TCF25: variants seen among roughly 807,000 people sequenced by gnomAD.
The protein encoded by TCF25 is ribosome quality control complex subunit TCF25.
TCF25 carries 41 observed loss-of-function variants against 83.1 expected under a neutral mutation model. The observed-to-expected ratio is 0.49, with a 90% CI of 0.38 to 0.64. The LOEUF (loss-of-function observed/expected upper bound fraction) is 0.64. Among genes scored for constraint, TCF25 ranks in the 30% least tolerant of loss-of-function variants. TCF25 has a pLI of 0.00. For synonymous variants in TCF25, 458 were observed against 365.0 expected, an observed-to-expected ratio of 1.25 and a Z score of -2.90; for missense variants, 979 against 914.5, an observed-to-expected ratio of 1.07 and a Z score of -0.91.
chr16:89,887,596 G>C, intron 4 of TCF25, 56 bp from the exon 5 acceptor site: 1 of 1,481,518 alleles, frequency 6.7e-7, no homozygotes, highest in Non-Finnish European at 9.0e-7. Flanking sequence ...TGAAGCTTTT[G>C]GAATCGTCTT....
chr16:89,887,361 G>C (rs1465870469), intron 4 of TCF25, among the ~76,000 whole-genome samples: 2 of 151,560 alleles, frequency 1.3e-5, no homozygotes, highest in Non-Finnish European at 2.9e-5. Context: ...CCCAGGGTGC[G>C]TGCACTGCCC....
chr16:89,911,349 C>T lies in TCF25; in HGVS notation c.*111C>T. 7.2e-7 allele frequency: 1 copy of T among 1,394,598 alleles called. No individual in the cohort carries two copies. Among genetic ancestry groups the T allele is most frequent in the Non-Finnish European group, 9.9e-7 (1 of 1,013,658 alleles). 86.4% of individuals were successfully genotyped at this position (1,394,598 alleles called of 1,614,324 possible). A position where few individuals can be genotyped will look rare whatever the true frequency, so the allele number is the denominator to read the frequency against. ...AAGCTGAGTGTGTCGCTCCCTGGTC[C>T]ACTGTTTCTCCTATAAATGTAAATG... On this transcript the variant is annotated 3_prime_UTR_variant, in exon 18 of 18. Transcript: ENST00000263346.
chr16:89,910,624 T>C lies in TCF25; in HGVS notation c.1833T>C (p.Ala611=), dbSNP rs765782862. 3 of 1,613,718 alleles carry C rather than the reference T, an allele frequency of 1.9e-6. No individual in the cohort carries two copies. Among genetic ancestry groups the C allele is most frequent in the Non-Finnish European group, 1.7e-6 (2 of 1,179,970 alleles). Residue 611 remains alanine (A), a synonymous_variant, in exon 17 of 18, where the codon GCT becomes GCC. Coordinates refer to ENST00000263346, the MANE Select transcript of TCF25 (RefSeq NM_014972.3). The part of the protein sequence containing the change: ...LSPISHGNTI[A]LFFRSLLPNY... ...CTATCAGCCATGGAAACACCATTGC[T>C]CTCTTCTTCCGGTCACTGTTGCCAA...
chr16:89,907,143 C>G, intron 15 of TCF25, 100 bp from the exon 16 acceptor site: 3 of 1,147,734 alleles, frequency 2.6e-6, no homozygotes, highest in Non-Finnish European at 3.9e-6. Flanking sequence ...TCAGCAGATG[C>G]ATCCAGTCCA....
chr16:89,905,737 G>C (rs144966748), intron 14 of TCF25, among the ~76,000 whole-genome samples: 8 of 152,190 alleles, frequency 5.3e-5, no homozygotes, highest in Non-Finnish European at 8.8e-5. Context: ...GGGCCCGTCC[G>C]CGTGTCTGCT....
At chr16:89,885,801 A>C in intron 3 of TCF25, 47 bp from the exon 4 acceptor site, 1 of 1,420,506 alleles carries the variant, frequency 7.0e-7, no homozygotes, top group Non-Finnish European at 9.9e-7. Flanking sequence ...TACAATATTT[A>C]AAATAATGTC....
chr16:89,887,519 G>C, intron 4 of TCF25, 133 bp from the exon 5 acceptor site: 1 of 744,238 alleles, frequency 1.3e-6, no homozygotes, highest in Non-Finnish European at 2.0e-6. Flanking sequence ...TGATTTTAGA[G>C]AAAGGCCTGG....
chr16:89,885,339 A>T (rs906755660), intron 3 of TCF25, among the ~76,000 whole-genome samples: 8 of 152,154 alleles, frequency 5.3e-5, no homozygotes, highest in Admixed American at 2.0e-4. Context: ...TGATGGGGAC[A>T]TCCCTTCTAG....
chr16:89,884,574 A>G lies in TCF25; in HGVS notation c.355-8A>G, dbSNP rs16966253. On this transcript the variant is annotated splice_polypyrimidine_tract_variant and splice_region_variant and intron_variant, in intron 2 of 17. Coordinates refer to ENST00000263346, the MANE Select transcript of TCF25 (RefSeq NM_014972.3). ...ATTCTACTGATGAAAATGTGTTTCT[A>G]TCATTAGTCTCATGCAAGTGGCAAA... 0.025 allele frequency: 40,748 copies of G among 1,612,640 alleles called. 1,490 individuals carry two copies. The highest frequency in any genetic ancestry group is 0.15 in the African/African-American group (11,362 of 74,832).
chr16:89,884,633 A>G lies in TCF25; in HGVS notation c.406A>G (p.Lys136Glu), dbSNP rs1298962815. Reference sequence around the variant, plus strand: ...GAAGAAAAAAAAACAGAAAAACAAGAAAAGCAGCACGGGAGAAGCATCGGT... The same window carrying G: ...GAAGAAAAAAAAACAGAAAAACAAGGAAAGCAGCACGGGAGAAGCATCGGT... ...RKKKKKQKNK[K>E]SSTGEASENG... Residue 136 changes from lysine to glutamate, a missense_variant, in exon 3 of 18, where the codon AAA becomes GAA. Physicochemically the swap from Lys to Glu is moderately conservative, Grantham distance 56. Transcript: ENST00000263346. 1 of 1,613,416 alleles carries G rather than the reference A, an allele frequency of 6.2e-7. No homozygotes were observed. Among genetic ancestry groups the G allele is most frequent in the Admixed American group, 1.7e-5 (1 of 59,934 alleles).
intron 1 of TCF25, chr16:89,878,678 T>C (rs2042373797): frequency 9.5e-7 from 1 of 1,056,908 alleles, no homozygotes; most frequent in Non-Finnish European, 1.2e-6. Context: ...TCTTGCGCTG[T>C]CGCCCAGGCT....
chr16:89,896,139 A>C (rs1202452891), intron 9 of TCF25, 56 bp downstream of exon 9: 8 of 1,550,406 alleles, frequency 5.2e-6, no homozygotes, highest in South Asian at 4.6e-5. Context: ...CCTGCGAGTG[A>C]GGCTGGGGGA....
chr16:89,892,327 T>C (rs1345760335), intron 6 of TCF25, 52 bp downstream of exon 6: 1 of 1,520,784 alleles, frequency 6.6e-7, no homozygotes, highest in East Asian at 2.6e-5. Context: ...GCGTTGTCTG[T>C]GCACTGGCCC....
chr16:89,873,852 T>G lies in TCF25; in HGVS notation c.185T>G (p.Phe62Cys). ...GAGGGCGTCCGAGTCAACAACCGCT[T>G]CGAGCTGGTGAGGAGCGCGGCGGCC... ...GKEGVRVNNR[F>C]ELINIDDLED... The change falls in exon 1 of 18, where the codon TTC (phenylalanine) becomes TGC (cysteine). Residue 62 changes from phenylalanine (F) to cysteine (C), a missense_variant. Phe to Cys is a radical substitution (Grantham distance 205). Coordinates refer to ENST00000263346, the MANE Select transcript of TCF25 (RefSeq NM_014972.3). 1 of 1,515,984 alleles carries G rather than the reference T, an allele frequency of 6.6e-7. No individual in the cohort carries two copies. The highest frequency in any genetic ancestry group is 8.9e-7 in the Non-Finnish European group (1 of 1,129,332). The allele number at this position is 1,515,984 out of a possible 1,614,324, so 93.9% of individuals were successfully genotyped here.
chr16:89,904,706 C>G, intron 13 of TCF25: 1 of 663,256 alleles, frequency 1.5e-6, no homozygotes, highest in South Asian at 1.6e-5. Context: ...TTTCACATTT[C>G]TGTGACGTCA....
rs947520482 is a variant in TCF25 at position 89,910,599 on chromosome 16, C to T, written c.1808C>T (p.Pro603Leu). ...TCTTGACTTTCTTTCAGGCTAAGTCCTATCAGCCATGGAAACACCATTGCT... is the reference window on the plus strand; with the variant it reads ...TCTTGACTTTCTTTCAGGCTAAGTCTTATCAGCCATGGAAACACCATTGCT... ...YSYVRPERLSPISHGNTIALF... is the reference protein window; with the variant it reads ...YSYVRPERLSLISHGNTIALF... The change falls in exon 17 of 18, where the codon CCT (proline) becomes CTT (leucine). Residue 603 changes from proline (P) to leucine (L), a missense_variant. Transcript: ENST00000263346. 1.2e-5 allele frequency: 20 copies of T among 1,613,606 alleles called. No homozygotes were observed. Among genetic ancestry groups the T allele is most frequent in the Non-Finnish European group, 1.6e-5 (19 of 1,179,934 alleles).
At chr16:89,901,693 C>T (rs1255500757) in intron 12 of TCF25, among the ~76,000 whole-genome samples, 2 of 40,848 alleles carry the variant, frequency 4.9e-5, no homozygotes, top group Admixed American at 2.9e-4. Flanking sequence ...TGCAGTGAGC[C>T]GAGATCGCGC....
rs865922219 is a variant in TCF25 at position 89,892,218 on chromosome 16, C to G, written c.640C>G (p.Pro214Ala). ...GCCACGGCAGAGACAACGTGTGTACCCCAAGTGCACATGGCTGACCACCCC... is the reference window on the plus strand; with the variant it reads ...GCCACGGCAGAGACAACGTGTGTACGCCAAGTGCACATGGCTGACCACCCC... ...QRPRQRQRVY[P>A]KCTWLTTPKS... The change falls in exon 6 of 18, where the codon CCC becomes GCC. Residue 214 changes from proline to alanine, a missense_variant. Coordinates refer to ENST00000263346, the MANE Select transcript of TCF25 (RefSeq NM_014972.3). The G allele has an allele frequency of 5.6e-6, 9 of 1,612,670 alleles. No individual in the cohort carries two copies. In the Admixed American group the frequency reaches 1.0e-4, roughly 18 times the overall value.
chr16:89,894,770 G>A (rs1013450700), intron 7 of TCF25, among the ~76,000 whole-genome samples: 5 of 152,022 alleles, frequency 3.3e-5, no homozygotes, highest in Admixed American at 2.0e-4. Flanking sequence ...TCAGCCTTCC[G>A]AGTAACTGGA....
Sources: allele counts gnomAD v4.1 joint callset (sites outside exome capture counted in the v4.1 genomes callset), GRCh38; gene constraint gnomAD v4.1.1; transcripts MANE v1.5; gene names NCBI Gene and HGNC (gene_info 2026-07-23, HGNC 2026-07-21).